Variants in EXTL3 observed in about 807,000 individuals in gnomAD.
The protein encoded by EXTL3 is exostosin like glycosyltransferase 3.
In EXTL3, 27 loss-of-function variants were observed where a neutral mutation model predicts 69.3. That is an observed-to-expected ratio of 0.39 (90% confidence interval 0.29 to 0.54). The LOEUF is 0.54. EXTL3 is among the 20% of genes least tolerant of loss of function. The pLI is 0.69. For missense variants in EXTL3, 1,003 were observed against 1,231.8 expected (o/e 0.81, Z 2.78); for synonymous variants, 511 against 499.4 (o/e 1.02, Z -0.31).
chr8:28,728,974 G>GT (rs1801472473), intron 3 of EXTL3, among the ~76,000 whole-genome samples: 1 of 152,098 alleles, frequency 6.6e-6, no homozygotes, highest in African/African-American at 2.4e-5. Flanking sequence ...TGGCAACATT[G>GT]TTTTTTCTTG....
At chr8:28,665,232 G>A (rs1368960072) in intron 1 of EXTL3, among the ~76,000 whole-genome samples, 3 of 150,822 alleles carry the variant, frequency 2.0e-5, no homozygotes, top group African/African-American at 7.3e-5. Context: ...CCACCACCAT[G>A]CCTGACTCAT....
chr8:28,713,903 CTTTTTT>C (rs55737430), intron 2 of EXTL3, among the ~76,000 whole-genome samples: 1 of 113,780 alleles, frequency 8.8e-6, no homozygotes, highest in Admixed American at 9.1e-5. Flanking sequence ...TTCTTTCTTT[CTTTTTT>C]TTTTTTTTTT....
intron 1 of EXTL3, among the ~76,000 whole-genome samples, chr8:28,634,243 G>C (rs1806617396): frequency 1.3e-5 from 2 of 152,162 alleles, no homozygotes; most frequent in Non-Finnish European, 2.9e-5. Context: ...TCAAGGAGGA[G>C]AAATGATCGG....
chr8:28,630,377 G>C (rs549865452), intron 1 of EXTL3, among the ~76,000 whole-genome samples: 1 of 151,992 alleles, frequency 6.6e-6, no homozygotes. Context: ...ACCCAGTCTC[G>C]GGTATGTCTT....
upstream of EXTL3, among the ~76,000 whole-genome samples, chr8:28,618,965 GCCTGTAGT>G (rs971305150): frequency 9.2e-5 from 14 of 151,568 alleles, no homozygotes; most frequent in African/African-American, 3.4e-4. Flanking sequence ...GGCAGCACGT[GCCTGTAGT>G]CCCAGCTACT....
chr8:28,634,760 A>T (rs1413172394), intron 1 of EXTL3, among the ~76,000 whole-genome samples: 1 of 151,908 alleles, frequency 6.6e-6, no homozygotes, highest in Non-Finnish European at 1.5e-5. Context: ...ACACCCAGCT[A>T]ATTTTCTGTA....
intron 1 of EXTL3, among the ~76,000 whole-genome samples, chr8:28,675,816 G>A (rs1247179923): frequency 2.0e-5 from 3 of 152,154 alleles, no homozygotes; most frequent in African/African-American, 7.2e-5. Flanking sequence ...GAGGTCAGGA[G>A]TTCGAGACCA....
intron 1 of EXTL3, among the ~76,000 whole-genome samples, chr8:28,633,286 C>A (rs912501317): frequency 6.6e-6 from 1 of 151,870 alleles, no homozygotes; most frequent in Non-Finnish European, 1.5e-5. Context: ...TGCAGTGAGC[C>A]ATGACTGCAC....
At chr8:28,608,133 A>T (rs1206379451) in intron 2 of EXTL3, among the ~76,000 whole-genome samples, 1 of 151,746 alleles carries the variant, frequency 6.6e-6, no homozygotes, top group Non-Finnish European at 1.5e-5. Context: ...AGAAAGAAAG[A>T]AAGAAATAGG....
At chr8:28,666,815 T>G (rs1315848047) in intron 1 of EXTL3, among the ~76,000 whole-genome samples, 1 of 152,198 alleles carries the variant, frequency 6.6e-6, no homozygotes, top group Non-Finnish European at 1.5e-5. Flanking sequence ...CCTCAGGTGA[T>G]CTGCCTGCCT....
rs145055727 is a variant in EXTL3, at chr8:28,717,178, C to T, written c.1119C>T (p.Ala373=). ...FEEEMEGDPP[A]DYDDRIIATL... is the part of the protein sequence containing the mutation. ...AGGAAATGGAGGGCGACCCTCCCGCCGACTACGATGACCGGATCATTGCCA... is the reference window on the plus strand; with the variant it reads ...AGGAAATGGAGGGCGACCCTCCCGCTGACTACGATGACCGGATCATTGCCA... The change falls in exon 3 of 7, where the codon GCC becomes GCT. Residue 373 remains alanine, a synonymous_variant. Coordinates refer to ENST00000220562, the MANE Select transcript of EXTL3 (RefSeq NM_001440.4). The surrounding 1 kb of genome is among the most constrained non-coding windows in gnomAD (Gnocchi z 8.3). 18 of 1,614,096 alleles carry T rather than the reference C, an allele frequency of 1.1e-5. No homozygotes were observed. The highest frequency in any genetic ancestry group is 6.7e-5 in the Admixed American group (4 of 60,010).
intron 5 of EXTL3, chr8:28,741,405 A>G (rs189336989): frequency 6.6e-6 from 1 of 152,302 alleles, no homozygotes; most frequent in East Asian, 1.9e-4. Context: ...AAGGGTCAAT[A>G]AATTTGAATT....
chr8:28,616,255 G>T (rs541729075), intron 2 of EXTL3, among the ~76,000 whole-genome samples: 3 of 151,800 alleles, frequency 2.0e-5, no homozygotes, highest in Admixed American at 6.6e-5. Flanking sequence ...ATGGGGGAGG[G>T]GGTGAGGAAT....
At chr8:28,622,595 A>AG (rs1241786544), upstream of EXTL3, 1 of 3,652 alleles carries the variant, frequency 2.7e-4, no homozygotes, top group African/African-American at 1.4e-3. Context: ...GGAGCCGCCG[A>AG]GGGGGCGGTG....
intron 1 of EXTL3, among the ~76,000 whole-genome samples, chr8:28,641,210 G>A (rs1225272901): frequency 2.0e-5 from 3 of 152,170 alleles, no homozygotes; most frequent in Non-Finnish European, 4.4e-5. Context: ...GATGCCATCT[G>A]GATTTGATGA....
chr8:28,643,879 C>G (rs1030555254), intron 1 of EXTL3, among the ~76,000 whole-genome samples: 7 of 152,192 alleles, frequency 4.6e-5, no homozygotes, highest in South Asian at 2.1e-4. Flanking sequence ...GAACCTCCCC[C>G]CTGAGCCTCC....
downstream of EXTL3, among the ~76,000 whole-genome samples, chr8:28,756,369 T>A (rs1460352701): frequency 6.6e-6 from 1 of 152,222 alleles, no homozygotes; most frequent in Non-Finnish European, 1.5e-5. Flanking sequence ...CTCTTGTGTG[T>A]GTCCGTCTTC....
intron 6 of EXTL3, among the ~76,000 whole-genome samples, chr8:28,749,447 C>T (rs1304471518): frequency 1.3e-5 from 2 of 152,130 alleles, no homozygotes; most frequent in Admixed American, 6.6e-5. Context: ...AATTTAAAGA[C>T]ACTTCTTCCC....
In EXTL3 at chr8:28,716,273, G is replaced by A. The variant is rs776040229; in HGVS notation, c.214G>A (p.Glu72Lys). ...GATTTTTGGTCCCCGGGTGGGGAAC[G>A]AGCTGTGCGAGGTGAAGCACGTGCT... ...KRIFGPRVGN[E>K]LCEVKHVLDL... The change falls in exon 3 of 7, where the codon GAG (glutamate) becomes AAG (lysine). Residue 72 changes from glutamate to lysine, a missense_variant. Physicochemically the swap from Glu to Lys is moderately conservative, Grantham distance 56 (BLOSUM62 1). Around this residue, in one of 2 missense-constraint regions of EXTL3, gnomAD observed 742 missense variants for 815.4 expected, o/e 0.91. Transcript: ENST00000220562. This position sits in a 1 kb window ranked among gnomAD's most constrained non-coding sequence, Gnocchi z 7.1. 5 of 1,614,084 alleles carry A rather than the reference G, an allele frequency of 3.1e-6. No homozygotes were observed. The highest frequency in any genetic ancestry group is 1.3e-5 in the African/African-American group (1 of 74,938).
Sources: gnomAD v4.1 joint callset for allele counts (sites outside exome capture counted in the v4.1 genomes callset) on GRCh38, gnomAD v4.1.1 for gene constraint, gnomAD v4.1.1 regional missense constraint, Gnocchi (gnomAD v3.1) non-coding constraint, MANE v1.5 for transcripts, NCBI Gene and HGNC (gene_info 2026-07-23, HGNC 2026-07-21) for gene names.